Variants in ELMO1 observed in about 807,000 individuals in gnomAD.
ELMO1 encodes the protein engulfment and cell motility 1.
A neutral mutation model predicts 98.9 loss-of-function variants in ELMO1; 26 were observed. That is an observed-to-expected ratio of 0.26 (90% CI 0.19 to 0.36). The LOEUF (loss-of-function observed/expected upper bound fraction) is 0.36, where lower values mean the gene tolerates loss of function less well. ELMO1 is among the 10% of genes least tolerant of loss of function. The pLI, the probability that ELMO1 is intolerant of heterozygous loss-of-function variation, is 1.00. For missense variants in ELMO1, 627 were observed against 935.2 expected (o/e 0.67, Z 4.30); for synonymous variants, 346 against 346.0 (o/e 1.00, Z 0.00).
At chr7:37,164,438 C>T (rs1789484694) in intron 13 of ELMO1, among the ~76,000 whole-genome samples, 1 of 152,116 alleles carries the variant, frequency 6.6e-6, no homozygotes, top group Non-Finnish European at 1.5e-5. Flanking sequence ...ATAGTAATGC[C>T]TAGGTTTTCT....
intron 1 of ELMO1, among the ~76,000 whole-genome samples, chr7:37,420,348 T>C (rs1804419619): frequency 6.6e-6 from 1 of 152,236 alleles, no homozygotes; most frequent in African/African-American, 2.4e-5. Flanking sequence ...ACCATGAAGC[T>C]AAGAAACCGT....
Position 36,883,706 on chromosome 7 carries a change from C to G in ELMO1, c.1714+3854G>C, listed in dbSNP as rs920558789. 4.6e-5 allele frequency among the ~76,000 whole-genome samples: 7 copies of G among 152,312 alleles called. No homozygotes were observed. In the South Asian group the frequency reaches 6.2e-4, roughly 14 times the overall value. ...GAGTTTCCTGTGGCCTCCCCAGAAG[C>G]AGAAGCTGTGATGCTTCCTGTACAG... On this transcript the variant is annotated intron_variant, in intron 18 of 21. Transcript: ENST00000310758.
At chr7:37,330,643 G>C (rs2131193065) in intron 2 of ELMO1, among the ~76,000 whole-genome samples, 2 of 152,206 alleles carry the variant, frequency 1.3e-5, no homozygotes, top group South Asian at 4.1e-4. Context: ...CTCATACACT[G>C]TGGCCCTAAC....
chr7:37,235,917 C>T (rs891773970), intron 7 of ELMO1, among the ~76,000 whole-genome samples: 4 of 152,124 alleles, frequency 2.6e-5, no homozygotes, highest in African/African-American at 9.6e-5. Context: ...GACTCTGTCT[C>T]GAAGAAAGAT....
intron 15 of ELMO1, among the ~76,000 whole-genome samples, chr7:37,058,988 C>T (rs1233145082): frequency 2.0e-5 from 3 of 152,158 alleles, no homozygotes; most frequent in African/African-American, 7.2e-5. Context: ...AGTATCGCCA[C>T]ACACGAGGCA....
chr7:37,418,777 T>C (rs769504775), intron 1 of ELMO1, among the ~76,000 whole-genome samples: 1 of 151,968 alleles, frequency 6.6e-6, no homozygotes, highest in Non-Finnish European at 1.5e-5. Context: ...GCAGGTATTA[T>C]AAGGAGGTGT....
chr7:37,421,153 C>T (rs1468160212), intron 1 of ELMO1, among the ~76,000 whole-genome samples: 1 of 152,224 alleles, frequency 6.6e-6, no homozygotes, highest in Admixed American at 6.5e-5. Flanking sequence ...ACTTTAGAAT[C>T]CTGAGTTTTC....
chr7:36,929,033 T>C (rs1252485148), intron 16 of ELMO1, among the ~76,000 whole-genome samples: 1 of 152,116 alleles, frequency 6.6e-6, no homozygotes, highest in Admixed American at 6.5e-5. Flanking sequence ...ATAGTGGAGA[T>C]TACTAAGAAA....
At chr7:37,396,168 G>C (rs947659126) in intron 1 of ELMO1, among the ~76,000 whole-genome samples, 1 of 151,892 alleles carries the variant, frequency 6.6e-6, no homozygotes, top group Non-Finnish European at 1.5e-5. Context: ...TCTTGTATCA[G>C]GCCACTTGAA....
chr7:37,204,136 G>A (rs750430326), intron 13 of ELMO1: 33 of 456,380 alleles, frequency 7.2e-5, no homozygotes, highest in South Asian at 1.1e-4. Context: ...TAGTCTCACC[G>A]CCTGGCGATG....
Position 36,870,682 on chromosome 7 carries a change from A to G in ELMO1, c.1823-207T>C, listed in dbSNP as rs1803431008. 6.6e-6 allele frequency among the ~76,000 whole-genome samples: 1 copy of G among 152,202 alleles called. No homozygotes were observed. Among genetic ancestry groups the G allele is most frequent in the East Asian group, 1.9e-4 (1 of 5,202 alleles). The stretch of plus-strand genomic sequence containing the variant: ...TATATCTTATATTCTGGGAAAAAGC[A>G]TCCCTGGAGAGAAAGAGCTTGCTTG... On this transcript the variant is annotated intron_variant, in intron 19 of 21. Coordinates refer to ENST00000310758, the MANE Select transcript of ELMO1 (RefSeq NM_014800.11). This position sits in a 1 kb window ranked among gnomAD's most constrained non-coding sequence, Gnocchi z 4.4.
intron 1 of ELMO1, among the ~76,000 whole-genome samples, chr7:37,432,237 C>A (rs1385041396): frequency 6.6e-6 from 1 of 152,176 alleles, no homozygotes; most frequent in Non-Finnish European, 1.5e-5. Flanking sequence ...GGGTCCCACA[C>A]CTCAGCCTAT....
At chr7:37,287,437 T>C (rs937286959) in intron 4 of ELMO1, among the ~76,000 whole-genome samples, 1 of 152,170 alleles carries the variant, frequency 6.6e-6, no homozygotes, top group Admixed American at 6.5e-5. Flanking sequence ...TATTAAAGCA[T>C]TAAATAACAA....
intron 21 of ELMO1, among the ~76,000 whole-genome samples, chr7:36,856,046 C>T (rs947236516): frequency 6.6e-5 from 10 of 152,230 alleles, no homozygotes; most frequent in Non-Finnish European, 1.3e-4. Flanking sequence ...GCAAAGAATG[C>T]TTCTCTGTAA....
chr7:37,443,804 A>T (rs1159715412), intron 1 of ELMO1, among the ~76,000 whole-genome samples: 1 of 152,242 alleles, frequency 6.6e-6, no homozygotes, highest in Non-Finnish European at 1.5e-5. Flanking sequence ...CTGTGCTGGC[A>T]TACTGGAAGG....
At chr7:37,192,387 C>A (rs866931668) in intron 13 of ELMO1, among the ~76,000 whole-genome samples, 1 of 149,218 alleles carries the variant, frequency 6.7e-6, no homozygotes. Context: ...CCCAGCTACT[C>A]GGGAGGCTGA....
chr7:37,374,360 A>T (rs1031305595), intron 1 of ELMO1, among the ~76,000 whole-genome samples: 2 of 152,194 alleles, frequency 1.3e-5, no homozygotes, highest in African/African-American at 4.8e-5. Flanking sequence ...TCCGAGAATT[A>T]ATAATTTTTT....
chr7:37,435,510 T>C (rs1476870624), intron 1 of ELMO1, among the ~76,000 whole-genome samples: 1 of 152,258 alleles, frequency 6.6e-6, no homozygotes, highest in East Asian at 1.9e-4. Flanking sequence ...ATGCCATTTC[T>C]CTGTGCCTTG....
At chr7:36,910,149 A>G (rs1784242669) in intron 16 of ELMO1, among the ~76,000 whole-genome samples, 1 of 152,232 alleles carries the variant, frequency 6.6e-6, no homozygotes, top group Non-Finnish European at 1.5e-5. Context: ...ATAACTTTTG[A>G]ATCCTGGAAT....
Sources: allele counts gnomAD v4.1 joint callset (sites outside exome capture counted in the v4.1 genomes callset), GRCh38; gene constraint gnomAD v4.1.1; non-coding constraint Gnocchi (gnomAD v3.1); transcripts MANE v1.5; gene names NCBI Gene and HGNC (gene_info 2026-07-23, HGNC 2026-07-21).